Variants in ADGRL3 observed in about 807,000 individuals in gnomAD.
ADGRL3 encodes adhesion G protein-coupled receptor L3, also known as calcium-independent alpha-latrotoxin receptor 3.
ADGRL3 carries 62 observed loss-of-function variants against 153.5 expected under a neutral mutation model. The observed-to-expected ratio is 0.40, with a 90% CI of 0.33 to 0.50. The LOEUF is 0.50. ADGRL3 is among the 20% of genes least tolerant of loss of function. The pLI is 0.47. For missense variants in ADGRL3, 1,641 were observed against 1,859.4 expected, an observed-to-expected ratio of 0.88 and a Z score of 2.16; for synonymous variants, 710 against 672.5, an observed-to-expected ratio of 1.06 and a Z score of -0.86.
intron 1 of ADGRL3, among the ~76,000 whole-genome samples, chr4:61,207,015 A>G (rs1737584394): frequency 6.6e-6 from 1 of 151,856 alleles, no homozygotes; most frequent in South Asian, 2.1e-4. Context: ...TAAATAAAAT[A>G]AAATAAAAAC....
chr4:61,997,969 T>C (rs941549809), intron 20 of ADGRL3, among the ~76,000 whole-genome samples: 1 of 152,204 alleles, frequency 6.6e-6, no homozygotes, highest in African/African-American at 2.4e-5. Flanking sequence ...GCAGGCATAG[T>C]AGTGCTTTGT....
At chr4:61,289,068 A>G (rs11737296) in intron 1 of ADGRL3, among the ~76,000 whole-genome samples, 117,385 of 151,812 alleles carry the variant, frequency 0.77, 45,914 homozygotes, top group Non-Finnish European at 0.84. Flanking sequence ...AACGCAATAT[A>G]GAGGTTATAA....
intron 9 of ADGRL3, among the ~76,000 whole-genome samples, chr4:61,875,205 T>C (rs1398377450): frequency 2.0e-5 from 3 of 152,338 alleles, no homozygotes; most frequent in Non-Finnish European, 2.9e-5. Flanking sequence ...TTCTGTTTCA[T>C]TTTCTTTCTC....
intron 6 of ADGRL3, among the ~76,000 whole-genome samples, chr4:61,681,975 A>G (rs2095346040): frequency 6.6e-6 from 1 of 152,070 alleles, no homozygotes; most frequent in African/African-American, 2.4e-5. Flanking sequence ...AAGGACTGGA[A>G]GAAGAAAGAA....
chr4:61,423,164 T>A (rs879422872), intron 2 of ADGRL3, among the ~76,000 whole-genome samples: 1 of 152,178 alleles, frequency 6.6e-6, no homozygotes, highest in Admixed American at 6.5e-5. Flanking sequence ...GTTTTACATA[T>A]CTGGTTTATG....
intron 5 of ADGRL3, among the ~76,000 whole-genome samples, chr4:61,664,328 A>G (rs2094708423): frequency 6.6e-6 from 1 of 152,218 alleles, no homozygotes; most frequent in African/African-American, 2.4e-5. Context: ...CTGAAAGAAT[A>G]TCATCCTCTT....
At chr4:61,410,759 G>A (rs1430156598) in intron 2 of ADGRL3, among the ~76,000 whole-genome samples, 1 of 152,146 alleles carries the variant, frequency 6.6e-6, no homozygotes, top group Non-Finnish European at 1.5e-5. Flanking sequence ...TATCGTGCAG[G>A]CTGCTGTCCT....
chr4:61,223,366 G>A (rs1379167468), intron 1 of ADGRL3, among the ~76,000 whole-genome samples: 2 of 152,102 alleles, frequency 1.3e-5, no homozygotes, highest in Non-Finnish European at 1.5e-5. Flanking sequence ...CTGCAGTTAC[G>A]GATACAACTT....
intron 2 of ADGRL3, among the ~76,000 whole-genome samples, chr4:61,495,854 A>G (rs183145540): frequency 6.6e-6 from 1 of 152,292 alleles, no homozygotes; most frequent in African/African-American, 2.4e-5. Flanking sequence ...TTTGTATTTT[A>G]GTGAGCATTC....
chr4:62,005,961 TACACATACACAC>T (rs1435718410), intron 21 of ADGRL3, among the ~76,000 whole-genome samples: 110 of 82,656 alleles, frequency 1.3e-3, no homozygotes, highest in African/African-American at 4.2e-3. Flanking sequence ...TACATATATA[TACACATACACAC>T]ACACACACAC....
At chr4:61,477,386 CACACAT>C (rs1182499656) in intron 2 of ADGRL3, among the ~76,000 whole-genome samples, 6 of 152,076 alleles carry the variant, frequency 3.9e-5, no homozygotes, top group African/African-American at 1.2e-4. Flanking sequence ...CACACACACA[CACACAT>C]GTGCACACAC....
chr4:61,407,660 G>A (rs2097020530), intron 2 of ADGRL3, among the ~76,000 whole-genome samples: 1 of 152,090 alleles, frequency 6.6e-6, no homozygotes, highest in African/African-American at 2.4e-5. Context: ...CAACTTGAAG[G>A]GTTAGAAAAA....
chr4:61,354,879 C>CTT (rs1225669216), intron 1 of ADGRL3, among the ~76,000 whole-genome samples: 5 of 151,926 alleles, frequency 3.3e-5, no homozygotes, highest in Non-Finnish European at 7.4e-5. Flanking sequence ...GTTTTGTGAC[C>CTT]TTTGTTTCTC....
chr4:61,904,842 A>C (rs2098687929), intron 11 of ADGRL3, among the ~76,000 whole-genome samples: 1 of 152,210 alleles, frequency 6.6e-6, no homozygotes, highest in Non-Finnish European at 1.5e-5. Context: ...GAAGGAAATG[A>C]ATTACCTAAT....
chr4:61,869,375 G>A (rs2098422000), intron 9 of ADGRL3, among the ~76,000 whole-genome samples: 1 of 151,602 alleles, frequency 6.6e-6, no homozygotes, highest in Non-Finnish European at 1.5e-5. Context: ...GAGGCGGGTG[G>A]ATCATGAGGT....
intron 2 of ADGRL3, among the ~76,000 whole-genome samples, chr4:61,467,444 TA>T (rs1293113756): frequency 2.0e-5 from 3 of 151,660 alleles, no homozygotes; most frequent in African/African-American, 7.3e-5. Context: ...AAGAACAAGT[TA>T]ATGAGAAGTC....
intron 1 of ADGRL3, among the ~76,000 whole-genome samples, chr4:61,227,719 C>CT (rs1748624986): frequency 6.6e-6 from 1 of 152,124 alleles, no homozygotes; most frequent in Admixed American, 6.5e-5. Flanking sequence ...TAAAACTATT[C>CT]TTTTGTCAAA....
chr4:61,454,800 T>C (rs973038337), intron 2 of ADGRL3, among the ~76,000 whole-genome samples: 1 of 152,100 alleles, frequency 6.6e-6, no homozygotes, highest in African/African-American at 2.4e-5. Context: ...AAATATGTGG[T>C]TGAATAGAAT....
chr4:61,724,293 T>C (rs1284710921), intron 6 of ADGRL3, among the ~76,000 whole-genome samples: 1 of 152,190 alleles, frequency 6.6e-6, no homozygotes, highest in Non-Finnish European at 1.5e-5. Flanking sequence ...CTATTATAAA[T>C]AGATTCTCAA....
Sources: allele counts gnomAD v4.1 joint callset (sites outside exome capture counted in the v4.1 genomes callset), GRCh38; gene constraint gnomAD v4.1.1; transcripts MANE v1.5; gene names NCBI Gene and HGNC (gene_info 2026-07-23, HGNC 2026-07-21).